Variants in RNASE7 observed in about 807,000 individuals in gnomAD.
The protein encoded by RNASE7 is ribonuclease 7.
For missense variants in RNASE7, 184 were observed against 191.5 expected (o/e 0.96, Z 0.23); for synonymous variants, 80 against 77.5 (o/e 1.03, Z -0.17).
chr14:21,043,347 T>A lies in RNASE7; in HGVS notation c.355T>A (p.Cys119Ser). The A allele has an allele frequency of 6.2e-7, 1 of 1,614,186 alleles. No individual in the cohort carries two copies. The stretch of plus-strand genomic sequence containing the variant: ...GCTCACCTCAGGGAAGCATCCGAAC[T>A]GCAGGTACAAAGAGAAGCGACAGAA... ...CKLTSGKHPNCRYKEKRQNKS... is the reference protein window; with the variant it reads ...CKLTSGKHPNSRYKEKRQNKS... The change falls in exon 2 of 2, where the codon TGC becomes AGC. Residue 119 changes from cysteine (C) to serine (S), a missense_variant. Coordinates refer to ENST00000298690, the MANE Select transcript of RNASE7 (RefSeq NM_032572.4).
At chr14:21,042,862 GA>G in intron 1 of RNASE7, 90 bp from the exon 2 acceptor site, 1 of 748,258 alleles carries the variant, frequency 1.3e-6, no homozygotes, top group Non-Finnish European at 2.1e-6. Context: ...ACAAAGTGAG[GA>G]AAGGAGACAA....
Position 21,043,302 on chromosome 14 carries a change from G to A in RNASE7, c.310G>A (p.Val104Met), listed in dbSNP as rs202167148. 8.2e-4 allele frequency: 1,328 copies of A among 1,614,202 alleles called. 2 individuals are homozygous for A. Among genetic ancestry groups the A allele is most frequent in the Non-Finnish European group, 1.0e-3 (1,239 of 1,180,038 alleles). Residue 104 changes from valine (V) to methionine (M), a missense_variant, in exon 2 of 2, where the codon GTG becomes ATG. Val to Met is a conservative substitution (Grantham distance 21). Transcript: ENST00000298690. ...DKNCHQSHGA[V>M]SLTMCKLTSG... ...AAACTGCCACCAGAGCCACGGGGCCGTGTCCCTGACCATGTGTAAGCTCAC... is the reference window on the plus strand; with the variant it reads ...AAACTGCCACCAGAGCCACGGGGCCATGTCCCTGACCATGTGTAAGCTCAC...
rs762812189 is a variant in RNASE7, at chr14:21,043,000, C to T, written c.8C>T (p.Pro3Leu). Residue 3 changes from proline to leucine, a missense_variant, in exon 2 of 2, where the codon CCG becomes CTG. Physicochemically the swap from Pro to Leu is moderately conservative, Grantham distance 98. Transcript: ENST00000298690. ...CTGCTCCTCCTAAGAGAGATGGCAC[C>T]GGCCAGAGCAGGATTCTGCCCCCTT... MA[P>L]ARAGFCPLLL... is the part of the protein sequence containing the mutation. 11 of 1,612,228 alleles carry T rather than the reference C, an allele frequency of 6.8e-6. No individual in the cohort carries two copies. Among genetic ancestry groups the T allele is most frequent in the Admixed American group, 3.3e-5 (2 of 59,928 alleles).
rs778426956 is a variant in RNASE7, at chr14:21,043,374, A to G, written c.382A>G (p.Lys128Glu). 2 of 1,614,176 alleles carry G rather than the reference A, an allele frequency of 1.2e-6. No individual in the cohort carries two copies. The highest frequency in any genetic ancestry group is 2.2e-5 in the South Asian group (2 of 91,082). ...CAGGTACAAAGAGAAGCGACAGAACAAGTCTTACGTAGTGGCCTGTAAGCC... is the reference window on the plus strand; with the variant it reads ...CAGGTACAAAGAGAAGCGACAGAACGAGTCTTACGTAGTGGCCTGTAAGCC... ...NCRYKEKRQN[K>E]SYVVACKPPQ... is the part of the protein sequence containing the mutation. Residue 128 changes from lysine to glutamate, a missense_variant, in exon 2 of 2, where the codon AAG becomes GAG. Physicochemically the swap from Lys to Glu is moderately conservative, Grantham distance 56. Transcript: ENST00000298690.
Position 21,043,507 on chromosome 14 carries a change from T to G in RNASE7, c.*44T>G. The G allele has an allele frequency of 7.6e-7, 1 of 1,310,116 alleles. No individual in the cohort carries two copies. The allele number at this position is 1,310,116 out of a possible 1,614,324, so 81.2% of individuals were successfully genotyped here. ...TCTTTGGCTGACCTTCAATTCCCTCTCCAGGACTCCGCACCACTCCCCTAC... is the reference window on the plus strand; with the variant it reads ...TCTTTGGCTGACCTTCAATTCCCTCGCCAGGACTCCGCACCACTCCCCTAC... On this transcript the variant is annotated 3_prime_UTR_variant, in exon 2 of 2. Transcript: ENST00000298690.
At chr14:21,042,580 G>A in intron 1 of RNASE7, 138 bp downstream of exon 1, 1 of 207,534 alleles carries the variant, frequency 4.8e-6, no homozygotes. Context: ...CACGCATTGG[G>A]GAAAGGGGAG....
At position 21,043,035 on chromosome 14, in the gene RNASE7, C is replaced by T; in HGVS notation, c.43C>T (p.Leu15=). The change falls in exon 2 of 2, where the codon CTG becomes TTG. Residue 15 remains leucine, a synonymous_variant. Transcript: ENST00000298690. ...AGGATTCTGCCCCCTTCTGCTGCTT[C>T]TGCTGCTGGGGCTGTGGGTGGCAGA... ...RAGFCPLLLL[L]LLGLWVAEIP... 6.2e-7 allele frequency: 1 copy of T among 1,614,202 alleles called. No individual in the cohort carries two copies. Among genetic ancestry groups the T allele is most frequent in the South Asian group, 1.1e-5 (1 of 91,080 alleles).
rs148716297 is a variant in RNASE7, at chr14:21,043,366, G to A, written c.374G>A (p.Arg125Gln). Reference sequence around the variant, plus strand: ...CCGAACTGCAGGTACAAAGAGAAGCGACAGAACAAGTCTTACGTAGTGGCC... The same window carrying A: ...CCGAACTGCAGGTACAAAGAGAAGCAACAGAACAAGTCTTACGTAGTGGCC... ...KHPNCRYKEK[R>Q]QNKSYVVACK... Residue 125 changes from arginine to glutamine, a missense_variant, in exon 2 of 2, where the codon CGA (arginine) becomes CAA (glutamine). By Grantham distance (43) the Arg-to-Gln change is conservative. Transcript: ENST00000298690. 121 of 1,614,138 alleles carry A rather than the reference G, an allele frequency of 7.5e-5. No homozygotes were observed. Among genetic ancestry groups the A allele is most frequent in the East Asian group, 4.5e-4 (20 of 44,886 alleles).
rs1275305354 is a variant in RNASE7, at chr14:21,043,488, G to A, written c.*25G>A. 4 of 1,510,974 alleles carry A rather than the reference G, an allele frequency of 2.6e-6. No individual in the cohort carries two copies. The African/African-American group carries it at 5.6e-5, about 21-fold the overall frequency. 93.6% of individuals were successfully genotyped at this position (1,510,974 alleles called of 1,614,324 possible). A position where few individuals can be genotyped will look rare whatever the true frequency, so the allele number is the denominator to read the frequency against. On this transcript the variant is annotated 3_prime_UTR_variant, in exon 2 of 2. Coordinates refer to ENST00000298690, the MANE Select transcript of RNASE7 (RefSeq NM_032572.4). ...GGTTTCCAGACTGGCTTGCTCTTTG[G>A]CTGACCTTCAATTCCCTCTCCAGGA... is the stretch of plus-strand genomic sequence containing the variant.
Position 21,043,743 on chromosome 14 carries a change from C to T in RNASE7, c.*280C>T, listed in dbSNP as rs1566497099. 2.8e-6 allele frequency: 1 copy of T among 362,884 alleles called. No individual in the cohort carries two copies. Among genetic ancestry groups the T allele is most frequent in the Non-Finnish European group, 5.2e-6 (1 of 192,866 alleles). 22.5% of individuals were successfully genotyped at this position (362,884 alleles called of 1,614,324 possible). On this transcript the variant is annotated 3_prime_UTR_variant, in exon 2 of 2. Coordinates refer to ENST00000298690, the MANE Select transcript of RNASE7 (RefSeq NM_032572.4). ...TGCCATTGCACATGTCTCCCCTGCC[C>T]CCTGGCATTAGGGCAGCATGACAAG...
In RNASE7 at chr14:21,043,666, G is replaced by C; in HGVS notation, c.*203G>C. On this transcript the variant is annotated 3_prime_UTR_variant, in exon 2 of 2. Coordinates refer to ENST00000298690, the MANE Select transcript of RNASE7 (RefSeq NM_032572.4). ...TCATCTTTTTGTTGCTGTTTTCCCA[G>C]ATGCTTATCCCCAAGAAACAGCAAG... The C allele has an allele frequency of 1.8e-6, 1 of 556,632 alleles. No individual in the cohort carries two copies. The highest frequency in any genetic ancestry group is 3.2e-6 in the Non-Finnish European group (1 of 308,746). 34.5% of individuals were successfully genotyped at this position (556,632 alleles called of 1,614,324 possible). A position where few individuals can be genotyped will look rare whatever the true frequency, so the allele number is the denominator to read the frequency against.
Position 21,044,117 on chromosome 14 carries a change from C to A in RNASE7, c.*654C>A, listed in dbSNP as rs1307985110. 2 of 167,204 alleles carry A rather than the reference C, an allele frequency of 1.2e-5. No individual in the cohort carries two copies. Among genetic ancestry groups the A allele is most frequent in the East Asian group, 3.8e-4 (2 of 5,204 alleles). The allele number at this position is 167,204 out of a possible 1,614,324, so 10.4% of individuals were successfully genotyped here. The stretch of plus-strand genomic sequence containing the variant: ...TCTACCAGTTGCGCAAGAAAGAAGT[C>A]ACTGTTACAGAGGCAAGCGGTGAAC... On this transcript the variant is annotated 3_prime_UTR_variant, in exon 2 of 2. Transcript: ENST00000298690.
chr14:21,043,634 T>A lies in RNASE7; in HGVS notation c.*171T>A, dbSNP rs1885015947. On this transcript the variant is annotated 3_prime_UTR_variant, in exon 2 of 2. Coordinates refer to ENST00000298690, the MANE Select transcript of RNASE7 (RefSeq NM_032572.4). Reference sequence around the variant, plus strand: ...TCTGGTGAGCTGAGCTCTAGAGGGATGGCTTTTCATCTTTTTGTTGCTGTT... The same window carrying A: ...TCTGGTGAGCTGAGCTCTAGAGGGAAGGCTTTTCATCTTTTTGTTGCTGTT... 1.7e-6 allele frequency: 1 copy of A among 587,530 alleles called. No individual in the cohort carries two copies. The highest frequency in any genetic ancestry group is 3.1e-6 in the Non-Finnish European group (1 of 327,742). The allele number at this position is 587,530 out of a possible 1,614,324, so 36.4% of individuals were successfully genotyped here.
chr14:21,044,222 C>G lies in RNASE7; in HGVS notation c.*759C>G, dbSNP rs1434746174. ...TGTTGGCTGCAATAAAGGTCATTACCTCTCTAGCCAAGAGATTGTTTATGA... is the reference window on the plus strand; with the variant it reads ...TGTTGGCTGCAATAAAGGTCATTACGTCTCTAGCCAAGAGATTGTTTATGA... On this transcript the variant is annotated 3_prime_UTR_variant, in exon 2 of 2. Transcript: ENST00000298690. The G allele has an allele frequency of 6.0e-6, 1 of 166,408 alleles. No individual in the cohort carries two copies. The highest frequency in any genetic ancestry group is 1.5e-5 in the Non-Finnish European group (1 of 68,136). 10.3% of individuals were successfully genotyped at this position (166,408 alleles called of 1,614,324 possible).
chr14:21,043,343 G>A lies in RNASE7; in HGVS notation c.351G>A (p.Pro117=), dbSNP rs200202565. The change falls in exon 2 of 2, where the codon CCG becomes CCA. Residue 117 remains proline (P), a synonymous_variant. Coordinates refer to ENST00000298690, the MANE Select transcript of RNASE7 (RefSeq NM_032572.4). ...TMCKLTSGKH[P]NCRYKEKRQN... is the part of the protein sequence containing the mutation. ...GTAAGCTCACCTCAGGGAAGCATCC[G>A]AACTGCAGGTACAAAGAGAAGCGAC... 100 of 1,614,130 alleles carry A rather than the reference G, an allele frequency of 6.2e-5. No homozygotes were observed. Among genetic ancestry groups the A allele is most frequent in the Admixed American group, 1.8e-4 (11 of 60,020 alleles).
At position 21,043,285 on chromosome 14, in the gene RNASE7, A is replaced by G; in HGVS notation, c.293A>G (p.His98Arg). ...IACKNGDKNC[H>R]QSHGAVSLTM... Reference sequence around the variant, plus strand: ...TGCAAGAATGGCGATAAAAACTGCCACCAGAGCCACGGGGCCGTGTCCCTG... The same window carrying G: ...TGCAAGAATGGCGATAAAAACTGCCGCCAGAGCCACGGGGCCGTGTCCCTG... Residue 98 changes from histidine to arginine, a missense_variant, in exon 2 of 2, where the codon CAC (histidine) becomes CGC (arginine). His to Arg is a conservative substitution (Grantham distance 29, BLOSUM62 0). Transcript: ENST00000298690. 1.9e-6 allele frequency: 3 copies of G among 1,614,228 alleles called. No homozygotes were observed. The highest frequency in any genetic ancestry group is 2.5e-6 in the Non-Finnish European group (3 of 1,180,044).
intron 1 of RNASE7, among the ~76,000 whole-genome samples, 193 bp from the exon 2 acceptor site, chr14:21,042,760 G>A (rs1884959988): frequency 6.6e-6 from 1 of 152,130 alleles, no homozygotes; most frequent in Admixed American, 6.5e-5. Context: ...AGAATGAAGG[G>A]AACAGAAATA....
intron 1 of RNASE7, 99 bp from the exon 2 acceptor site, chr14:21,042,854 A>G (rs1231831345): frequency 4.3e-6 from 3 of 703,724 alleles, no homozygotes; most frequent in Non-Finnish European, 7.0e-6. Context: ...GATGAGACAC[A>G]AAGTGAGGAA....
In RNASE7 at chr14:21,043,413, G is replaced by C; in HGVS notation, c.421G>C (p.Asp141His). 6.2e-7 allele frequency: 1 copy of C among 1,611,382 alleles called. No individual in the cohort carries two copies. The highest frequency in any genetic ancestry group is 1.1e-5 in the South Asian group (1 of 90,550). Residue 141 changes from aspartate (D) to histidine (H), a missense_variant, in exon 2 of 2, where the codon GAC becomes CAC. Asp to His is a moderately conservative substitution (Grantham distance 81). Transcript: ENST00000298690. Reference sequence around the variant, plus strand: ...GGCCTGTAAGCCTCCCCAGAAAAAGGACTCTCAGCAATTCCACCTGGTTCC... The same window carrying C: ...GGCCTGTAAGCCTCCCCAGAAAAAGCACTCTCAGCAATTCCACCTGGTTCC... ...VVACKPPQKK[D>H]SQQFHLVPVH...
Sources: allele counts gnomAD v4.1 joint callset (sites outside exome capture counted in the v4.1 genomes callset), GRCh38; gene constraint gnomAD v4.1.1; transcripts MANE v1.5; gene names NCBI Gene and HGNC (gene_info 2026-07-23, HGNC 2026-07-21).